Variants in GSE1 observed in about 807,000 individuals in gnomAD.
GSE1 encodes the protein genetic suppressor element 1.
GSE1 carries 32 observed loss-of-function variants against 112.6 expected under a neutral mutation model. That is an observed-to-expected ratio of 0.28 (90% CI 0.21 to 0.38). GSE1 has a LOEUF of 0.38. Ranked by LOEUF, GSE1 falls within the 10% of genes least tolerant of loss-of-function variation. The pLI is 1.00. For synonymous variants in GSE1, 1,115 were observed against 735.6 expected, an observed-to-expected ratio of 1.52 and a Z score of -8.35; for missense variants, 2,348 against 1,699.2, an observed-to-expected ratio of 1.38 and a Z score of -6.71.
At chr16:85,339,015 C>T (rs1217517862) in intron 1 of GSE1, among the ~76,000 whole-genome samples, 1 of 152,052 alleles carries the variant, frequency 6.6e-6, no homozygotes, top group African/African-American at 2.4e-5. Context: ...GGTGGACTCG[C>T]AGCTGGGCAT....
At chr16:85,506,354 G>C (rs955765501) in intron 2 of GSE1, among the ~76,000 whole-genome samples, 1 of 152,206 alleles carries the variant, frequency 6.6e-6, no homozygotes, top group African/African-American at 2.4e-5. Flanking sequence ...TGGCTTGGCT[G>C]TATGTGGGGG....
At chr16:85,293,967 G>A (rs2151445394) in intron 1 of GSE1, among the ~76,000 whole-genome samples, 1 of 152,334 alleles carries the variant, frequency 6.6e-6, no homozygotes. Context: ...AGTCTCGGGA[G>A]CAATGCCAAC....
At chr16:85,606,852 T>C (rs2047724412), upstream of GSE1, among the ~76,000 whole-genome samples, 1 of 152,108 alleles carries the variant, frequency 6.6e-6, no homozygotes, top group Non-Finnish European at 1.5e-5. Context: ...CGTCCAAAAC[T>C]CCCAGGATTC....
chr16:85,466,919 G>A (rs146433463), intron 2 of GSE1, among the ~76,000 whole-genome samples: 146 of 152,280 alleles, frequency 9.6e-4, no homozygotes, highest in African/African-American at 3.3e-3. Context: ...AATTAGCCAG[G>A]CGTGGTGGCA....
chr16:85,481,900 C>A (rs970515937), intron 2 of GSE1, among the ~76,000 whole-genome samples: 1 of 152,228 alleles, frequency 6.6e-6, no homozygotes, highest in Non-Finnish European at 1.5e-5. Flanking sequence ...TGCAGGGCAG[C>A]CCTCCAGCCG....
chr16:85,453,299 C>T (rs2049736574), intron 2 of GSE1, among the ~76,000 whole-genome samples: 1 of 152,168 alleles, frequency 6.6e-6, no homozygotes, highest in Admixed American at 6.5e-5. Context: ...TCCTCTACCT[C>T]CCTTCCCTCC....
At chr16:85,600,015 G>A (rs1381138951) in intron 1 of GSE1, among the ~76,000 whole-genome samples, 1 of 152,176 alleles carries the variant, frequency 6.6e-6, no homozygotes, top group Non-Finnish European at 1.5e-5. Context: ...TCCTGTGTGA[G>A]CCCCTTGAAG....
At chr16:85,379,348 C>T (rs7204951) in intron 2 of GSE1, among the ~76,000 whole-genome samples, 1 of 152,346 alleles carries the variant, frequency 6.6e-6, no homozygotes, top group African/African-American at 2.4e-5. Context: ...CCCCCAGTGC[C>T]TAGAATGGTG....
intron 2 of GSE1, among the ~76,000 whole-genome samples, chr16:85,480,215 C>G (rs184315611): frequency 6.6e-6 from 1 of 152,376 alleles, no homozygotes; most frequent in East Asian, 1.9e-4. Flanking sequence ...GGCAGTTTGG[C>G]TCCAGAATCT....
chr16:85,670,935 C>G, intron 14 of GSE1, 60 bp from the exon 15 acceptor site: 2 of 1,055,926 alleles, frequency 1.9e-6, no homozygotes, highest in Admixed American at 1.7e-5. Context: ...GAGGAGAGCA[C>G]AAAGCGGGCC....
At chr16:85,403,353 C>T (rs1040993777) in intron 2 of GSE1, among the ~76,000 whole-genome samples, 16 of 152,262 alleles carry the variant, frequency 1.1e-4, no homozygotes, top group Admixed American at 9.2e-4. Flanking sequence ...CGGGGGCCAC[C>T]CAGGGGCATG....
chr16:85,316,166 A>C (rs1278567662), intron 1 of GSE1, among the ~76,000 whole-genome samples: 1 of 152,258 alleles, frequency 6.6e-6, no homozygotes, highest in Non-Finnish European at 1.5e-5. Flanking sequence ...GAAGTGCGAC[A>C]CCAGCCACCT....
intron 2 of GSE1, among the ~76,000 whole-genome samples, chr16:85,501,450 T>C (rs2051364651): frequency 1.3e-5 from 2 of 148,750 alleles, no homozygotes; most frequent in South Asian, 4.3e-4. Flanking sequence ...TGGAGTGTAG[T>C]GATGCAAATC....
rs114059717 is a variant in GSE1 at position 85,662,918 on chromosome 16, G to A, written c.2261-63G>A. ...GTGCTCTGCACACATGAGGCCCTGCGGGCATGTCCACTGGACAGATGAAGG... is the reference window on the plus strand; with the variant it reads ...GTGCTCTGCACACATGAGGCCCTGCAGGCATGTCCACTGGACAGATGAAGG... On this transcript the variant is annotated intron_variant, in intron 9 of 15. Transcript: ENST00000253458. 624 of 1,155,542 alleles carry A rather than the reference G, an allele frequency of 5.4e-4. 5 individuals are homozygous for A. The African/African-American group carries it at 8.5e-3, about 16-fold the overall frequency. 71.6% of individuals were successfully genotyped at this position (1,155,542 alleles called of 1,614,324 possible).
intron 1 of GSE1, chr16:85,283,388 T>C (rs1374950235): frequency 6.5e-6 from 1 of 152,784 alleles, no homozygotes; most frequent in Non-Finnish European, 1.5e-5. Context: ...GCATCTTGGC[T>C]CTGCTTGGCT....
intron 2 of GSE1, among the ~76,000 whole-genome samples, chr16:85,496,063 C>T (rs953815463): frequency 2.0e-5 from 3 of 152,196 alleles, no homozygotes; most frequent in Non-Finnish European, 2.9e-5. Flanking sequence ...AGCTGGATCC[C>T]GGGTGCAGAA....
chr16:85,264,556 A>G (rs1048650699), intron 1 of GSE1, among the ~76,000 whole-genome samples: 7 of 152,170 alleles, frequency 4.6e-5, no homozygotes, highest in Non-Finnish European at 8.8e-5. Flanking sequence ...TCTAAGAATC[A>G]ACAGCAGAGG....
intron 2 of GSE1, among the ~76,000 whole-genome samples, chr16:85,537,594 T>C (rs1428926195): frequency 6.6e-6 from 1 of 152,156 alleles, no homozygotes; most frequent in South Asian, 2.1e-4. Context: ...GCCATAGGGC[T>C]CACAGAGGCC....
chr16:85,459,601 G>C (rs1366500895), intron 2 of GSE1, among the ~76,000 whole-genome samples: 1 of 152,176 alleles, frequency 6.6e-6, no homozygotes, highest in Non-Finnish European at 1.5e-5. Flanking sequence ...GGTCCCTTTT[G>C]CCTATGTGCT....
Sources: gnomAD v4.1 joint callset for allele counts (sites outside exome capture counted in the v4.1 genomes callset) on GRCh38, gnomAD v4.1.1 for gene constraint, MANE v1.5 for transcripts, NCBI Gene and HGNC (gene_info 2026-07-23, HGNC 2026-07-21) for gene names.